Variants in AHCTF1 observed in about 807,000 individuals in gnomAD.
AHCTF1 encodes the protein AT-hook containing transcription factor 1.
In AHCTF1, 24 loss-of-function variants were observed where a neutral mutation model predicts 248.4. The ratio of observed to expected loss-of-function variants is 0.10; its 90% CI spans 0.07 to 0.14. The LOEUF (loss-of-function observed/expected upper bound fraction) is 0.14. AHCTF1 is among the 10% of genes least tolerant of loss of function. The pLI, the probability that AHCTF1 is intolerant of heterozygous loss-of-function variation, is 1.00. For synonymous variants in AHCTF1, 786 were observed against 929.8 expected, an observed-to-expected ratio of 0.85 and a Z score of 2.81; for missense variants, 2,206 against 2,636.2, an observed-to-expected ratio of 0.84 and a Z score of 3.57.
At chr1:246,879,166 T>C (rs756001393) in intron 21 of AHCTF1, among the ~76,000 whole-genome samples, 13 of 152,270 alleles carry the variant, frequency 8.5e-5, no homozygotes, top group South Asian at 4.2e-4. Flanking sequence ...AAGATTTTAA[T>C]AGGCAGGTCA....
intron 3 of AHCTF1, among the ~76,000 whole-genome samples, chr1:246,915,829 A>G (rs1666106401): frequency 6.6e-6 from 1 of 152,226 alleles, no homozygotes; most frequent in Admixed American, 6.5e-5. Flanking sequence ...ACAACTGGAG[A>G]TAAGAACAAG....
chr1:246,910,793 A>C (rs1165647530), intron 4 of AHCTF1, among the ~76,000 whole-genome samples: 1 of 148,620 alleles, frequency 6.7e-6, no homozygotes, highest in Non-Finnish European at 1.5e-5. Context: ...AAGAGATTAG[A>C]TTTTGCCACA....
chr1:246,920,658 T>C (rs1479691746), intron 1 of AHCTF1, among the ~76,000 whole-genome samples: 1 of 151,366 alleles, frequency 6.6e-6, no homozygotes, highest in African/African-American at 2.4e-5. Flanking sequence ...TAGTTCCAGC[T>C]ACTCGGGAGG....
rs142338484 is a variant in AHCTF1 at position 246,864,019 on chromosome 1, G to C, written c.3445C>G (p.Arg1149Gly). Residue 1149 changes from arginine (R) to glycine (G), a missense_variant, in exon 27 of 36, where the codon CGT becomes GGT. By Grantham distance (125) the Arg-to-Gly change is moderately radical (BLOSUM62 -2). Around this residue, in one of 6 missense-constraint regions of AHCTF1, gnomAD observed 955 missense variants for 1,055.6 expected, o/e 0.90. Coordinates refer to ENST00000648844, the MANE Select transcript of AHCTF1 (RefSeq NM_001323342.2). ...SMKSPLYLVS[R>G]SLPSSSQLKG... ...AATTGCGAACTTGAGGGCAGTGAAC[G>C]GGATACTAGGTACAAAGGAGATTTC... 3 of 1,613,970 alleles carry C rather than the reference G, an allele frequency of 1.9e-6. No homozygotes were observed. Among genetic ancestry groups the C allele is most frequent in the African/African-American group, 1.3e-5 (1 of 74,906 alleles).
chr1:246,854,018 G>C (rs879800411), intron 31 of AHCTF1, among the ~76,000 whole-genome samples: 2 of 152,148 alleles, frequency 1.3e-5, no homozygotes, highest in Non-Finnish European at 2.9e-5. Flanking sequence ...TTAAAAATCT[G>C]GCTGGGCGCA....
At chr1:246,859,631 G>A (rs940995610) in intron 29 of AHCTF1, among the ~76,000 whole-genome samples, 7 of 152,040 alleles carry the variant, frequency 4.6e-5, no homozygotes, top group African/African-American at 1.4e-4. Flanking sequence ...GTTCAGTGGC[G>A]CAATCACGGC....
intron 1 of AHCTF1, 70 bp from the exon 2 acceptor site, chr1:246,918,447 C>A: frequency 1.5e-6 from 2 of 1,356,158 alleles, no homozygotes; most frequent in Non-Finnish European, 2.0e-6. Context: ...TATGTCCAGC[C>A]AGGAAAAACA....
At position 246,857,788 on chromosome 1, in the gene AHCTF1, C is replaced by A. The variant is rs547819324; in HGVS notation, c.4159G>T (p.Asp1387Tyr). The change falls in exon 30 of 36, where the codon GAT (aspartate) becomes TAT (tyrosine). Residue 1387 changes from aspartate to tyrosine, a missense_variant. By Grantham distance (160) the Asp-to-Tyr change is radical (BLOSUM62 -3). This residue lies in a region of AHCTF1 where 955 missense variants were observed against 1,055.6 expected (regional missense o/e 0.90). Transcript: ENST00000648844. ...MGNLEDAETK[D>Y]LLVAAEAFSE... is the part of the protein sequence containing the mutation. ...AATGCCTCTGCTGCAACTAAGAGAT[C>A]CTTTGTTTCTGCATCTTCTAAATTG... 6.8e-6 allele frequency: 11 copies of A among 1,612,220 alleles called. No homozygotes were observed. The highest frequency in any genetic ancestry group is 1.6e-4 in the Middle Eastern group (1 of 6,074).
At chr1:246,854,248 G>A (rs1283747508) in intron 31 of AHCTF1, among the ~76,000 whole-genome samples, 2 of 85,822 alleles carry the variant, frequency 2.3e-5, no homozygotes, top group Admixed American at 1.4e-4. Flanking sequence ...GCAGTGAGCC[G>A]AGATTGCACC....
chr1:246,888,569 C>A (rs764298253), intron 17 of AHCTF1, 52 bp from the exon 18 acceptor site: 6 of 1,580,478 alleles, frequency 3.8e-6, no homozygotes, highest in South Asian at 1.1e-5. Context: ...TAATTAATAT[C>A]AAAGCAACCA....
In AHCTF1 at chr1:246,900,483, A is replaced by T. The variant is rs895261184; in HGVS notation, c.1118-14T>A. 1.1e-5 allele frequency: 17 copies of T among 1,580,864 alleles called. No homozygotes were observed. The highest frequency in any genetic ancestry group is 1.4e-5 in the Non-Finnish European group (16 of 1,172,694). ...CAGGCGATAGAGCTGGAAGAAAAAG[A>T]TAATTTTTAAAAACAGAATAAAGAA... is the stretch of plus-strand genomic sequence containing the variant. On this transcript the variant is annotated splice_polypyrimidine_tract_variant and intron_variant, in intron 8 of 35. Transcript: ENST00000648844.
At chr1:246,868,750 G>A (rs1006124389) in intron 24 of AHCTF1, among the ~76,000 whole-genome samples, 8 of 150,848 alleles carry the variant, frequency 5.3e-5, no homozygotes, top group Middle Eastern at 3.4e-3. Context: ...TACATTTCTT[G>A]GGTTACAGAG....
chr1:246,864,266 G>C (rs1661791269), intron 26 of AHCTF1, 150 bp from the exon 27 acceptor site: 6 of 774,882 alleles, frequency 7.7e-6, no homozygotes, highest in Non-Finnish European at 1.2e-5. Context: ...GTGCTACCAT[G>C]CATTCAAAAA....
chr1:246,909,079 A>ATATCTATCTATCTATCTATCTATC (rs10657928), intron 4 of AHCTF1, among the ~76,000 whole-genome samples: 2 of 143,286 alleles, frequency 1.4e-5, no homozygotes, highest in South Asian at 2.2e-4. Flanking sequence ...ATATATATCT[A>ATATCTATCTATCTATCTATCTATC]TATCTATCTA....
intron 14 of AHCTF1, 46 bp downstream of exon 14, chr1:246,894,613 A>T (rs762038185): frequency 1.4e-6 from 2 of 1,431,018 alleles, no homozygotes; most frequent in Admixed American, 1.8e-5. Context: ...CAAGGTTAGT[A>T]TTTTAATATT....
intron 1 of AHCTF1, among the ~76,000 whole-genome samples, chr1:246,922,716 C>A (rs998725228): frequency 1.3e-5 from 2 of 151,038 alleles, no homozygotes; most frequent in African/African-American, 2.4e-5. Flanking sequence ...GGCGCAGTGG[C>A]TCACGCCTGT....
chr1:246,844,615 G>A (rs564475556), intron 33 of AHCTF1, among the ~76,000 whole-genome samples: 169 of 152,188 alleles, frequency 1.1e-3, no homozygotes, highest in African/African-American at 3.7e-3. Context: ...TGTCAGCTAC[G>A]TGGGAGGCTG....
chr1:246,927,465 A>G (rs1667019558), intron 1 of AHCTF1, among the ~76,000 whole-genome samples: 1 of 152,130 alleles, frequency 6.6e-6, no homozygotes, highest in Admixed American at 6.5e-5. Flanking sequence ...CTCCAGCCTC[A>G]GCAACACAGC....
intron 5 of AHCTF1, among the ~76,000 whole-genome samples, chr1:246,906,182 C>T (rs946723005): frequency 6.6e-6 from 1 of 152,062 alleles, no homozygotes; most frequent in African/African-American, 2.4e-5. Context: ...CCATAAACTG[C>T]TAAAAAAGCA....
Sources: allele counts gnomAD v4.1 joint callset (sites outside exome capture counted in the v4.1 genomes callset), GRCh38; gene constraint gnomAD v4.1.1; regional missense constraint gnomAD v4.1.1; transcripts MANE v1.5; gene names NCBI Gene and HGNC (gene_info 2026-07-23, HGNC 2026-07-21).